AGBL5: variants seen among roughly 807,000 people sequenced by gnomAD.
The protein encoded by AGBL5 is AGBL carboxypeptidase 5, also known as cytosolic carboxypeptidase-like protein 5.
Under a neutral mutation model 88.0 loss-of-function variants are expected in AGBL5, and 51 were observed. That is an observed-to-expected ratio of 0.58 (90% confidence interval 0.46 to 0.73). The LOEUF is 0.73. Ranked by LOEUF, AGBL5 falls within the 30% of genes least tolerant of loss-of-function variation. The pLI is 0.00. For synonymous variants in AGBL5, 446 were observed against 438.8 expected (o/e 1.02, Z -0.21); for missense variants, 1,031 against 1,162.2 (o/e 0.89, Z 1.64).
In AGBL5 at chr2:27,057,341, T is replaced by G; in HGVS notation, c.1574T>G (p.Val525Gly). The change falls in exon 9 of 15, where the codon GTA becomes GGA. Residue 525 changes from valine (V) to glycine (G), a missense_variant. Physicochemically the swap from Val to Gly is moderately radical, Grantham distance 109 (BLOSUM62 -3). Around this residue, in one of 2 missense-constraint regions of AGBL5, gnomAD observed 491 missense variants for 484.0 expected, o/e 1.01. Transcript: ENST00000360131. ...LECNYNTGRS[V>G]NSIPAACHDN... ...TGCAACTACAACACTGGACGCTCAG[T>G]AAACAGCATCCCTGCTGCCTGCCAT... The G allele has an allele frequency of 6.2e-7, 1 of 1,614,028 alleles. No individual in the cohort carries two copies. Among genetic ancestry groups the G allele is most frequent in the Non-Finnish European group, 8.5e-7 (1 of 1,179,958 alleles).
At position 27,055,903 on chromosome 2, in the gene AGBL5, G is replaced by A. The variant is rs754219257; in HGVS notation, c.1130G>A (p.Cys377Tyr). 3 of 1,614,208 alleles carry A rather than the reference G, an allele frequency of 1.9e-6. No individual in the cohort carries two copies. The Admixed American group carries it at 5.0e-5, about 27-fold the overall frequency. The change falls in exon 7 of 15, where the codon TGT (cysteine) becomes TAT (tyrosine). Residue 377 changes from cysteine (C) to tyrosine (Y), a missense_variant. Transcript: ENST00000360131. ...KANNLQNEAQ[C>Y]GHSADRHNAE... ...AACAATCTCCAAAATGAAGCTCAGT[G>A]TGGGCACTCAGCTGACAGGCATAAC...
At chr2:27,050,716 G>A (rs1054057584), upstream of AGBL5, among the ~76,000 whole-genome samples, 5 of 152,224 alleles carry the variant, frequency 3.3e-5, no homozygotes, top group African/African-American at 1.2e-4. Context: ...AGAAAGCGGG[G>A]GTCATGGCTG....
chr2:27,060,973 T>C (rs903216382), intron 11 of AGBL5: 3 of 152,228 alleles, frequency 2.0e-5, no homozygotes, highest in African/African-American at 7.2e-5. Flanking sequence ...TTCTCCAAGA[T>C]TGCACAGCTG....
chr2:27,051,267 A>C (rs1240550238), upstream of AGBL5, among the ~76,000 whole-genome samples: 1 of 152,202 alleles, frequency 6.6e-6, no homozygotes, highest in Non-Finnish European at 1.5e-5. Flanking sequence ...AGGTAGCGGG[A>C]TCGATGCCCG....
intron 9 of AGBL5, among the ~76,000 whole-genome samples, chr2:27,057,783 TAGAA>T (rs918911843): frequency 3.9e-5 from 6 of 152,140 alleles, no homozygotes; most frequent in South Asian, 2.1e-4. Context: ...ATTATCCTAA[TAGAA>T]AGAGCTGGCC....
At chr2:27,067,009 G>A (rs906321966) in intron 11 of AGBL5, among the ~76,000 whole-genome samples, 1 of 152,110 alleles carries the variant, frequency 6.6e-6, no homozygotes, top group Admixed American at 6.5e-5. Context: ...CTTGAACCCG[G>A]GAGGCGGAGG....
At chr2:27,066,975 C>T (rs1440227418) in intron 11 of AGBL5, among the ~76,000 whole-genome samples, 1 of 151,766 alleles carries the variant, frequency 6.6e-6, no homozygotes, top group Non-Finnish European at 1.5e-5. Flanking sequence ...CCCAGCTACT[C>T]GGGAGCCTGA....
chr2:27,070,374 G>A lies in AGBL5; in HGVS notation c.*111G>A. The A allele has an allele frequency of 1.7e-6, 2 of 1,173,404 alleles. No individual in the cohort carries two copies. The highest frequency in any genetic ancestry group is 2.8e-5 in the South Asian group (2 of 71,892). 72.7% of individuals were successfully genotyped at this position (1,173,404 alleles called of 1,614,324 possible). ...TCCATGTGACAGCCGTTAAGTCCTTGGAATGCCAGCCACGCTGTCCAAGGC... is the reference window on the plus strand; with the variant it reads ...TCCATGTGACAGCCGTTAAGTCCTTAGAATGCCAGCCACGCTGTCCAAGGC... On this transcript the variant is annotated 3_prime_UTR_variant, in exon 15 of 15. Coordinates refer to ENST00000360131, the MANE Select transcript of AGBL5 (RefSeq NM_021831.6).
chr2:27,053,148 G>A lies in AGBL5; in HGVS notation c.190G>A (p.Glu64Lys), dbSNP rs1247186186. The change falls in exon 2 of 15, where the codon GAA (glutamate) becomes AAA (lysine). Residue 64 changes from glutamate to lysine, a missense_variant. Glu to Lys is a moderately conservative substitution (Grantham distance 56). Around this residue, in one of 2 missense-constraint regions of AGBL5, gnomAD observed 540 missense variants for 678.2 expected, o/e 0.80. Transcript: ENST00000360131. This position sits in a 1 kb window ranked among gnomAD's most constrained non-coding sequence, Gnocchi z 4.9. Reference protein sequence around the residue: ...FNVWTRPDCAETEFENGNRSW... With the variant: ...FNVWTRPDCAKTEFENGNRSW... Reference sequence around the variant, plus strand: ...CGTGTGGACCCGACCAGACTGTGCTGAAACGGAATTTGAGAATGGGAACAG... The same window carrying A: ...CGTGTGGACCCGACCAGACTGTGCTAAAACGGAATTTGAGAATGGGAACAG... 1.9e-6 allele frequency: 3 copies of A among 1,602,616 alleles called. No homozygotes were observed. Among genetic ancestry groups the A allele is most frequent in the Non-Finnish European group, 2.6e-6 (3 of 1,173,128 alleles).
intron 11 of AGBL5, among the ~76,000 whole-genome samples, chr2:27,064,225 C>T (rs1220050163): frequency 6.7e-6 from 1 of 148,628 alleles, no homozygotes. Context: ...GGCCACGAGT[C>T]TTGACTTCTG....
At chr2:27,056,282 G>C in intron 7 of AGBL5, 144 bp downstream of exon 7, 1 of 830,188 alleles carries the variant, frequency 1.2e-6, no homozygotes, top group Admixed American at 2.8e-5. Context: ...AGCTTTGAAG[G>C]GCCAAGAAGA....
At chr2:27,066,057 C>A (rs1668970154) in intron 11 of AGBL5, among the ~76,000 whole-genome samples, 7 of 152,142 alleles carry the variant, frequency 4.6e-5, no homozygotes, top group African/African-American at 1.7e-4. Flanking sequence ...CCATGAGTTC[C>A]AGACCACCCT....
At chr2:27,052,391 C>T (rs763370545) in intron 1 of AGBL5, 1 of 152,334 alleles carries the variant, frequency 6.6e-6, no homozygotes, top group Non-Finnish European at 1.5e-5. Flanking sequence ...GGGAGCAACA[C>T]CAGAATGTCC....
At position 27,054,660 on chromosome 2, in the gene AGBL5, G is replaced by T. The variant is rs1558413298; in HGVS notation, c.582G>T (p.Glu194Asp). The T allele has an allele frequency of 6.2e-7, 1 of 1,614,048 alleles. No homozygotes were observed. The highest frequency in any genetic ancestry group is 1.1e-5 in the South Asian group (1 of 91,060). The part of the protein sequence containing the change: ...SPLDTIYYHR[E>D]LLCYSLDGLR... Reference sequence around the variant, plus strand: ...TGGATACCATCTATTACCATCGGGAGCTCCTTTGCTATTCTCTGGATGGAC... The same window carrying T: ...TGGATACCATCTATTACCATCGGGATCTCCTTTGCTATTCTCTGGATGGAC... Residue 194 changes from glutamate to aspartate, a missense_variant, in exon 5 of 15, where the codon GAG (glutamate) becomes GAT (aspartate). By Grantham distance (45) the Glu-to-Asp change is conservative. This residue lies in a region of AGBL5 where 540 missense variants were observed against 678.2 expected (regional missense o/e 0.80). Transcript: ENST00000360131.
At chr2:27,063,265 A>T (rs891744133) in intron 11 of AGBL5, among the ~76,000 whole-genome samples, 9 of 152,224 alleles carry the variant, frequency 5.9e-5, no homozygotes, top group Non-Finnish European at 1.0e-4. Flanking sequence ...GTATTTGTTG[A>T]ATGAATAAAA....
At chr2:27,056,507 ATGGTTGTGATGGTATC>A (rs1668438414) in intron 7 of AGBL5, 100 bp from the exon 8 acceptor site, 1 of 895,610 alleles carries the variant, frequency 1.1e-6, no homozygotes. Context: ...ATTACTGTTA[ATGGTTGTGATGGTATC>A]TGCTGTGTAT....
rs546875262 is a variant in AGBL5 at position 27,062,097 on chromosome 2, G to A, written c.2089+2693G>A. Among the ~76,000 whole-genome samples the A allele has an allele frequency of 6.2e-5, 9 of 144,340 alleles. No homozygotes were observed. In the East Asian group the frequency reaches 1.9e-3, roughly 31 times the overall value. The allele number at this position is 144,340 out of a possible 152,430, so 94.7% of individuals were successfully genotyped here. A position where few individuals can be genotyped will look rare whatever the true frequency, so the allele number is the denominator to read the frequency against. The stretch of plus-strand genomic sequence containing the variant: ...CCCAAAGTGCTGGGACTACAGGCAT[G>A]AACCACTGTGCCCATCTAGGCCTTT... On this transcript the variant is annotated intron_variant, in intron 11 of 14. Coordinates refer to ENST00000360131, the MANE Select transcript of AGBL5 (RefSeq NM_021831.6).
rs550331144 is a variant in AGBL5 at position 27,052,563 on chromosome 2, GT to G, written c.-46-347del. 1.7e-4 allele frequency: 27 copies of G among 157,420 alleles called. No individual in the cohort carries two copies. The East Asian group carries it at 5.1e-3, about 30-fold the overall frequency. The allele number at this position is 157,420 out of a possible 1,614,324, so 9.8% of individuals were successfully genotyped here. ...ATGGTGGTGAGTGTATCTTGGCTAG[GT>G]TTGGAAAATCTGACCTCTCTGATTA... On this transcript the variant is annotated intron_variant, in intron 1 of 14. Coordinates refer to ENST00000360131, the MANE Select transcript of AGBL5 (RefSeq NM_021831.6).
At chr2:27,051,555 G>C (rs1439416537), upstream of AGBL5, 1 of 152,312 alleles carries the variant, frequency 6.6e-6, no homozygotes, top group African/African-American at 2.4e-5. Flanking sequence ...ACTCGCTCAG[G>C]TACCCACTAA....
Sources: gnomAD v4.1 joint callset for allele counts (sites outside exome capture counted in the v4.1 genomes callset) on GRCh38, gnomAD v4.1.1 for gene constraint, gnomAD v4.1.1 regional missense constraint, Gnocchi (gnomAD v3.1) non-coding constraint, MANE v1.5 for transcripts, NCBI Gene and HGNC (gene_info 2026-07-23, HGNC 2026-07-21) for gene names.